PKIG: variants seen among roughly 807,000 people sequenced by gnomAD.
PKIG encodes cAMP-dependent protein kinase inhibitor gamma.
A neutral mutation model predicts 6.8 loss-of-function variants in PKIG; 1 was observed. The observed-to-expected ratio is 0.15, with a 90% CI of 0.05 to 0.69. The LOEUF is 0.69. Among genes scored for constraint, PKIG ranks in the 30% least tolerant of loss-of-function variants. The probability of loss-of-function intolerance (pLI) is 0.82; values close to 1 mark genes in which losing one functional copy is unlikely to be tolerated. For synonymous variants in PKIG, 39 were observed against 43.0 expected (o/e 0.91, Z 0.36); for missense variants, 77 against 104.0 (o/e 0.74, Z 1.13).
chr20:44,617,143 G>A (rs116144610), intron 3 of PKIG, among the ~76,000 whole-genome samples: 1,796 of 152,302 alleles, frequency 0.012, 25 homozygotes, highest in African/African-American at 0.042. Flanking sequence ...GCACGAGAAA[G>A]TGCCCATCCA....
rs1473573011 is a variant in PKIG at position 44,605,217 on chromosome 20, G to A, written c.-23-9317G>A. On this transcript the variant is annotated intron_variant, in intron 2 of 3. Transcript: ENST00000372886. ...CCAGGAGATCGAGACCATCCTGGCT[G>A]ACACGGTGAAACCCCGTCTCTACTG... Among the ~76,000 whole-genome samples the A allele has an allele frequency of 4.6e-5, 7 of 151,896 alleles. No homozygotes were observed. The East Asian group carries it at 1.2e-3, about 25-fold the overall frequency.
At chr20:44,599,637 G>A (rs895487254) in intron 2 of PKIG, among the ~76,000 whole-genome samples, 5 of 152,088 alleles carry the variant, frequency 3.3e-5, no homozygotes, top group Admixed American at 1.3e-4. Context: ...CAGGAGAATC[G>A]CTTGAACCTG....
chr20:44,576,155 T>TAG (rs1403241303), intron 1 of PKIG, among the ~76,000 whole-genome samples: 2 of 122,714 alleles, frequency 1.6e-5, no homozygotes, highest in South Asian at 5.9e-4. Context: ...CTGGACTAAG[T>TAG]AGAGTGTGTG....
At chr20:44,579,302 A>G (rs6065734), upstream of PKIG, among the ~76,000 whole-genome samples, 9,692 of 152,320 alleles carry the variant, frequency 0.064, 424 homozygotes, top group Non-Finnish European at 0.1. Context: ...AACTGGGGGT[A>G]AAAGGTGGAA....
At position 44,618,976 on chromosome 20, in the gene PKIG, C is replaced by T. The variant is rs1453927821; in HGVS notation, c.*612C>T. ...GCTCAAAACGATCTGACCACCTCTG[C>T]CCTGTCCACCAGGATAAGTGACACC... On this transcript the variant is annotated 3_prime_UTR_variant, in exon 4 of 4. Coordinates refer to ENST00000372886, the MANE Select transcript of PKIG (RefSeq NM_001281445.2). 1 of 154,902 alleles carries T rather than the reference C, an allele frequency of 6.5e-6. No individual in the cohort carries two copies. Among genetic ancestry groups the T allele is most frequent in the Non-Finnish European group, 1.4e-5 (1 of 69,564 alleles). 9.6% of individuals were successfully genotyped at this position (154,902 alleles called of 1,614,324 possible). A position where few individuals can be genotyped will look rare whatever the true frequency, so the allele number is the denominator to read the frequency against.
In PKIG at chr20:44,560,376, C is replaced by G. The variant is rs189760414; in HGVS notation, c.-240-22209C>G. 1.8e-3 allele frequency among the ~76,000 whole-genome samples: 269 copies of G among 152,206 alleles called. 1 individual carries two copies. The highest frequency in any genetic ancestry group is 6.3e-3 in the African/African-American group (260 of 41,526). The stretch of plus-strand genomic sequence containing the variant: ...GAACTGGCTTTTAACTTACAAGATA[C>G]AAAGTTATTTATGGCCATATATTCA... On this transcript the variant is annotated intron_variant, in intron 1 of 4. Coordinates refer to the PKIG transcript ENST00000372887.
Position 44,610,498 on chromosome 20 carries a change from T to TCACACA in PKIG, c.-23-4035_-23-4034insACACAC, listed in dbSNP as rs1379954369. 7.6e-4 allele frequency among the ~76,000 whole-genome samples: 91 copies of TCACACA among 119,636 alleles called. 1 individual carries two copies. Among genetic ancestry groups the TCACACA allele is most frequent in the Admixed American group, 4.0e-3 (43 of 10,774 alleles). The allele number at this position is 119,636 out of a possible 152,430, so 78.5% of individuals were successfully genotyped here. Reference sequence around the variant, plus strand: ...TCTCTCTCTCTCTTCTCTCTCTCTCTCTCACACACACACACACACACACAC... The same window carrying TCACACA: ...TCTCTCTCTCTCTTCTCTCTCTCTCTCACACACTCACACACACACACACACACACAC... On this transcript the variant is annotated intron_variant, in intron 2 of 3. Coordinates refer to ENST00000372886, the MANE Select transcript of PKIG (RefSeq NM_001281445.2).
At chr20:44,576,850 C>A (rs1054369465) in intron 1 of PKIG, among the ~76,000 whole-genome samples, 4 of 152,144 alleles carry the variant, frequency 2.6e-5, no homozygotes, top group African/African-American at 9.7e-5. Context: ...TCCTGCGAAC[C>A]TATCCAGTTT....
intron 1 of PKIG, among the ~76,000 whole-genome samples, chr20:44,586,672 G>C (rs1233637917): frequency 6.6e-6 from 1 of 152,208 alleles, no homozygotes; most frequent in Non-Finnish European, 1.5e-5. Context: ...CAATTCCTAA[G>C]TGGAGACTGA....
chr20:44,581,665 T>C (rs2064949385), upstream of PKIG, among the ~76,000 whole-genome samples: 1 of 152,208 alleles, frequency 6.6e-6, no homozygotes, highest in African/African-American at 2.4e-5. Flanking sequence ...TGCTGCTGCT[T>C]TTCATGTCCC....
chr20:44,612,896 C>T (rs1439173230), intron 2 of PKIG, among the ~76,000 whole-genome samples: 2 of 152,166 alleles, frequency 1.3e-5, no homozygotes, highest in Non-Finnish European at 2.9e-5. Flanking sequence ...GGAAGTACCT[C>T]TGTGTTCATT....
At chr20:44,594,391 G>T (rs1313179373) in intron 2 of PKIG, among the ~76,000 whole-genome samples, 1 of 152,198 alleles carries the variant, frequency 6.6e-6, no homozygotes, top group South Asian at 2.1e-4. Flanking sequence ...TTTCATCTGA[G>T]ACTAGAGTGA....
intron 1 of PKIG, among the ~76,000 whole-genome samples, chr20:44,541,233 T>C (rs2064559115): frequency 6.6e-6 from 1 of 152,198 alleles, no homozygotes; most frequent in African/African-American, 2.4e-5. Flanking sequence ...TTTGATTTAT[T>C]TTTTAAGTGA....
chr20:44,538,856 C>T (rs1279302618), intron 1 of PKIG, among the ~76,000 whole-genome samples: 4 of 151,876 alleles, frequency 2.6e-5, no homozygotes, highest in African/African-American at 9.7e-5. Context: ...CTCCTAGGTT[C>T]AAGTGATCCT....
chr20:44,551,485 A>T (rs1397862322), intron 1 of PKIG, among the ~76,000 whole-genome samples: 1 of 152,232 alleles, frequency 6.6e-6, no homozygotes, highest in Non-Finnish European at 1.5e-5. Context: ...GCTTTACATG[A>T]GTATCTTGAT....
intron 3 of PKIG, among the ~76,000 whole-genome samples, chr20:44,616,969 A>G (rs2065270814): frequency 6.6e-6 from 1 of 152,210 alleles, no homozygotes; most frequent in African/African-American, 2.4e-5. Context: ...ACCTTCAGGA[A>G]TGCTGCTTAT....
chr20:44,578,115 C>T (rs541747899), upstream of PKIG, among the ~76,000 whole-genome samples: 32 of 151,500 alleles, frequency 2.1e-4, no homozygotes, highest in East Asian at 1.8e-3. Flanking sequence ...CCAAGGTGGG[C>T]GGATCACGAG....
At chr20:44,612,094 T>A (rs2065225164) in intron 2 of PKIG, among the ~76,000 whole-genome samples, 1 of 152,190 alleles carries the variant, frequency 6.6e-6, no homozygotes, top group South Asian at 2.1e-4. Context: ...GTCAGATGTC[T>A]TCTTGACATA....
chr20:44,548,565 A>G (rs966991767), intron 1 of PKIG, among the ~76,000 whole-genome samples: 2 of 152,166 alleles, frequency 1.3e-5, no homozygotes, highest in African/African-American at 4.8e-5. Context: ...TAGTTTTCCT[A>G]AGGAAAACTA....
Sources: gnomAD v4.1 joint callset for allele counts (sites outside exome capture counted in the v4.1 genomes callset) on GRCh38, gnomAD v4.1.1 for gene constraint, MANE v1.5 for transcripts, NCBI Gene and HGNC (gene_info 2026-07-23, HGNC 2026-07-21) for gene names.